Variants in SVIL observed in about 807,000 individuals in gnomAD.
SVIL encodes the protein archvillin.
SVIL carries 101 observed loss-of-function variants against 240.4 expected under a neutral mutation model. That is an observed-to-expected ratio of 0.42 (90% CI 0.36 to 0.50). The LOEUF is 0.50. Among genes scored for constraint, SVIL ranks in the 20% least tolerant of loss-of-function variants. SVIL has a pLI of 0.01. For synonymous variants in SVIL, 999 were observed against 1,100.0 expected, an observed-to-expected ratio of 0.91 and a Z score of 1.82; for missense variants, 2,512 against 2,818.7, an observed-to-expected ratio of 0.89 and a Z score of 2.46.
intron 5 of SVIL, among the ~76,000 whole-genome samples, chr10:29,554,467 G>A (rs944238078): frequency 1.3e-5 from 2 of 152,040 alleles, no homozygotes; most frequent in African/African-American, 2.4e-5. Flanking sequence ...GCAACAGTGA[G>A]ACTCTGTCTC....
chr10:29,624,843 T>A (rs887963680), intron 1 of SVIL, among the ~76,000 whole-genome samples: 2 of 152,244 alleles, frequency 1.3e-5, no homozygotes, highest in Non-Finnish European at 2.9e-5. Flanking sequence ...ATTATTTTCA[T>A]GTGGAGAGCT....
chr10:29,696,986 C>CCGCCT (rs1962107642), intron 1 of SVIL, among the ~76,000 whole-genome samples: 1 of 142,036 alleles, frequency 7.0e-6, no homozygotes, highest in Non-Finnish European at 1.6e-5. Flanking sequence ...GCCCCTCGCC[C>CCGCCT]AGCCAGCCGC....
chr10:29,532,985 C>A lies in SVIL; in HGVS notation c.1382G>T (p.Gly461Val). 1 of 1,614,164 alleles carries A rather than the reference C, an allele frequency of 6.2e-7. No individual in the cohort carries two copies. Among genetic ancestry groups the A allele is most frequent in the South Asian group, 1.1e-5 (1 of 91,080 alleles). ...TTCTGGGCTTCTCACTAGCCCATCACCCTCCAAAGCCAGTAGGGTTTTCTT... is the reference window on the plus strand; with the variant it reads ...TTCTGGGCTTCTCACTAGCCCATCAACCTCCAAAGCCAGTAGGGTTTTCTT... ...QSKKTLLALE[G>V]DGLVRSPEDP... Residue 461 changes from glycine (G) to valine (V), a missense_variant, in exon 8 of 38, where the codon GGT becomes GTT. Physicochemically the swap from Gly to Val is moderately radical, Grantham distance 109. This residue lies in a region of SVIL where 1,443 missense variants were observed against 1,486.6 expected (regional missense o/e 0.97). Transcript: ENST00000355867.
intron 3 of SVIL, among the ~76,000 whole-genome samples, chr10:29,656,467 T>TA (rs892900925): frequency 1.3e-4 from 20 of 151,200 alleles, no homozygotes; most frequent in South Asian, 2.1e-4. Flanking sequence ...CTTTTTTTTT[T>TA]AAAAAAAAGA....
At chr10:29,670,152 C>T (rs186529205) in intron 2 of SVIL, among the ~76,000 whole-genome samples, 41 of 151,756 alleles carry the variant, frequency 2.7e-4, no homozygotes, top group Admixed American at 1.9e-3. Context: ...AATTTGACCC[C>T]AATAGTTTTA....
intron 1 of SVIL, among the ~76,000 whole-genome samples, chr10:29,619,471 C>T (rs552779250): frequency 2.0e-5 from 3 of 152,278 alleles, no homozygotes; most frequent in African/African-American, 7.2e-5. Context: ...AACAAAAGAG[C>T]TTTGACCACA....
intron 1 of SVIL, among the ~76,000 whole-genome samples, chr10:29,706,247 A>G (rs1962884101): frequency 6.6e-6 from 1 of 152,236 alleles, no homozygotes; most frequent in Non-Finnish European, 1.5e-5. Flanking sequence ...TGTCTTCCAC[A>G]GTGGTTGAAG....
At chr10:29,569,154 G>T in intron 2 of SVIL, 101 bp downstream of exon 2, 1 of 458,068 alleles carries the variant, frequency 2.2e-6, no homozygotes, top group Non-Finnish European at 2.9e-6. Context: ...AAAACATATT[G>T]CCAAACATTT....
In SVIL at chr10:29,559,463, G is replaced by A. The variant is rs1954254160; in HGVS notation, c.-51+3738C>T. On this transcript the variant is annotated intron_variant, in intron 3 of 37. Coordinates refer to ENST00000355867, the MANE Select transcript of SVIL (RefSeq NM_021738.3). ...TGTATTTCTTAACAAAAAAGAATAA[G>A]AATGCTTTTCAAAATTAGGTTCACC... Among the ~76,000 whole-genome samples the A allele has an allele frequency of 2.0e-5, 3 of 152,244 alleles. No homozygotes were observed. In the South Asian group the frequency reaches 6.2e-4, roughly 32 times the overall value.
At chr10:29,477,613 G>A (rs553917720) in intron 29 of SVIL, among the ~76,000 whole-genome samples, 5 of 152,320 alleles carry the variant, frequency 3.3e-5, no homozygotes, top group East Asian at 1.9e-4. Context: ...TAGGGGAGCC[G>A]GACTAGTGTC....
chr10:29,612,318 C>T (rs956192621), intron 1 of SVIL, among the ~76,000 whole-genome samples: 5 of 152,132 alleles, frequency 3.3e-5, no homozygotes, highest in Non-Finnish European at 5.9e-5. Context: ...TTTAGAGTTC[C>T]CTGCTCTCTG....
At chr10:29,466,381 T>C (rs1284771949) in intron 33 of SVIL, among the ~76,000 whole-genome samples, 1 of 152,056 alleles carries the variant, frequency 6.6e-6, no homozygotes, top group African/African-American at 2.4e-5. Flanking sequence ...GAGGAAAAAA[T>C]AATATGCTGA....
chr10:29,718,331 A>C (rs1963761912), intron 1 of SVIL, among the ~76,000 whole-genome samples: 1 of 152,150 alleles, frequency 6.6e-6, no homozygotes, highest in African/African-American at 2.4e-5. Flanking sequence ...GTCTCAAAAA[A>C]AAAAAAAATT....
intron 16 of SVIL, among the ~76,000 whole-genome samples, chr10:29,520,836 T>A (rs529208295): frequency 4.3e-4 from 64 of 149,302 alleles, no homozygotes; most frequent in African/African-American, 1.4e-3. Flanking sequence ...GGATCACTTG[T>A]GTCCAGGAGT....
Position 29,532,871 on chromosome 10 carries a change from G to T in SVIL, c.1496C>A (p.Pro499His). Reference protein sequence around the residue: ...HQKELENVAQPPQAPHQPTER... With the variant: ...HQKELENVAQHPQAPHQPTER... ...AGTGGGCTGGTGCGGAGCTTGAGGGGGTTGTGCCACGTTTTCCAGTTCCTT... is the reference window on the plus strand; with the variant it reads ...AGTGGGCTGGTGCGGAGCTTGAGGGTGTTGTGCCACGTTTTCCAGTTCCTT... The change falls in exon 8 of 38, where the codon CCC (proline) becomes CAC (histidine). Residue 499 changes from proline (P) to histidine (H), a missense_variant. Physicochemically the swap from Pro to His is moderately conservative, Grantham distance 77 (BLOSUM62 -2). Coordinates refer to ENST00000355867, the MANE Select transcript of SVIL (RefSeq NM_021738.3). 6.2e-7 allele frequency: 1 copy of T among 1,614,102 alleles called. No individual in the cohort carries two copies. Among genetic ancestry groups the T allele is most frequent in the African/African-American group, 1.3e-5 (1 of 75,032 alleles).
At chr10:29,623,971 C>T (rs1735151070) in intron 1 of SVIL, among the ~76,000 whole-genome samples, 1 of 152,204 alleles carries the variant, frequency 6.6e-6, no homozygotes, top group African/African-American at 2.4e-5. Flanking sequence ...TGGAAATGCA[C>T]TCCATGATGG....
At chr10:29,569,226 T>A (rs1955254380) in intron 2 of SVIL, 29 bp downstream of exon 2, 2 of 972,368 alleles carry the variant, frequency 2.1e-6, no homozygotes, top group African/African-American at 3.5e-5. Flanking sequence ...CTTCAAAATT[T>A]CACAGTTGTT....
intron 2 of SVIL, among the ~76,000 whole-genome samples, chr10:29,678,370 G>T (rs149760568): frequency 6.6e-6 from 1 of 151,868 alleles, no homozygotes; most frequent in Non-Finnish European, 1.5e-5. Flanking sequence ...CCTCAAATGC[G>T]CAGTTCACAA....
At chr10:29,531,363 G>T in intron 9 of SVIL, 75 bp from the exon 10 acceptor site, 1 of 1,355,666 alleles carries the variant, frequency 7.4e-7, no homozygotes, top group Non-Finnish European at 1.0e-6. Flanking sequence ...ACATCATACT[G>T]AAAGTAAAAA....
Sources: gnomAD v4.1 joint callset for allele counts (sites outside exome capture counted in the v4.1 genomes callset) on GRCh38, gnomAD v4.1.1 for gene constraint, gnomAD v4.1.1 regional missense constraint, MANE v1.5 for transcripts, NCBI Gene and HGNC (gene_info 2026-07-23, HGNC 2026-07-21) for gene names.